Variants in UVSSA observed in about 807,000 individuals in gnomAD.
UVSSA encodes the protein UV-stimulated scaffold protein A.
A neutral mutation model predicts 73.9 loss-of-function variants in UVSSA; 72 were observed. That is an observed-to-expected ratio of 0.97 (90% CI 0.81 to 1.19). UVSSA has a LOEUF of 1.19. Among genes scored for constraint, UVSSA ranks in the 50% most tolerant of loss-of-function variants. The probability of loss-of-function intolerance (pLI) is 0.00; values close to 1 mark genes in which losing one functional copy is unlikely to be tolerated. For missense variants in UVSSA, 1,150 were observed against 965.0 expected (o/e 1.19, Z -2.54); for synonymous variants, 454 against 391.3 (o/e 1.16, Z -1.89).
chr4:1,362,010 C>T (rs914789266), intron 7 of UVSSA, among the ~76,000 whole-genome samples: 1 of 152,184 alleles, frequency 6.6e-6, no homozygotes, highest in African/African-American at 2.4e-5. Context: ...CTGTGTGTGG[C>T]GGACAGACCT....
At chr4:1,388,910 T>G (rs756426009), downstream of UVSSA, 2 of 152,200 alleles carry the variant, frequency 1.3e-5, no homozygotes, top group Non-Finnish European at 2.9e-5. Flanking sequence ...TTTTGTGATG[T>G]CTTTAGCTTT....
intron 11 of UVSSA, 100 bp from the exon 12 acceptor site, chr4:1,380,780 A>G: frequency 1.3e-6 from 2 of 1,584,850 alleles, no homozygotes. Context: ...GATACCACCC[A>G]CCCTGGTCGC....
intron 7 of UVSSA, among the ~76,000 whole-genome samples, chr4:1,363,135 TG>T (rs1716875696): frequency 6.6e-6 from 1 of 152,074 alleles, no homozygotes; most frequent in South Asian, 2.1e-4. Context: ...CCTCAGTAGT[TG>T]CAAGCTGAAG....
At chr4:1,368,711 C>T (rs183024601) in intron 8 of UVSSA, among the ~76,000 whole-genome samples, 63 of 152,384 alleles carry the variant, frequency 4.1e-4, no homozygotes, top group African/African-American at 1.2e-3. Context: ...AAGCCTCACC[C>T]GTAGGCTGTC....
chr4:1,383,400 C>G (rs1577382267), intron 12 of UVSSA, among the ~76,000 whole-genome samples: 1 of 152,142 alleles, frequency 6.6e-6, no homozygotes, highest in Admixed American at 6.5e-5. Flanking sequence ...GTGCCACCCC[C>G]CAACCGCTGG....
chr4:1,355,151 T>G lies in UVSSA; in HGVS notation c.1082T>G (p.Leu361Ter), dbSNP rs201115491. The G allele has an allele frequency of 1.9e-6, 3 of 1,613,872 alleles. No individual in the cohort carries two copies. Among genetic ancestry groups the G allele is most frequent in the Non-Finnish European group, 2.5e-6 (3 of 1,179,918 alleles). ...FTRVGTHGGC[L>*]KRAIDLKAEL... is the part of the protein sequence containing the mutation. ...CGCGTCGGGACCCACGGTGGATGTT[T>G]AAAGCGTGCCATTGACCTGAAGGCT... Residue 361 changes from leucine (L) to a stop codon, truncating the protein, a stop_gained, in exon 7 of 14, where the codon TTA becomes TGA. Transcript: ENST00000389851. LOFTEE classifies it high-confidence loss of function.
chr4:1,345,650 A>AGG (rs1713609843), upstream of UVSSA, among the ~76,000 whole-genome samples: 1 of 66,634 alleles, frequency 1.5e-5, no homozygotes, highest in African/African-American at 3.4e-5. Flanking sequence ...GTCTCAAAAA[A>AGG]AAAAAAAAAA....
At chr4:1,342,297 G>A (rs1438226491), upstream of UVSSA, among the ~76,000 whole-genome samples, 1 of 152,202 alleles carries the variant, frequency 6.6e-6, no homozygotes, top group Non-Finnish European at 1.5e-5. Flanking sequence ...AGGTGGGTGT[G>A]CACTGGGGCC....
At chr4:1,364,828 TAGC>T (rs1170440557) in intron 7 of UVSSA, among the ~76,000 whole-genome samples, 2 of 152,094 alleles carry the variant, frequency 1.3e-5, no homozygotes, top group African/African-American at 4.8e-5. Flanking sequence ...TCAGCTGCCC[TAGC>T]AGCCCTGCCA....
At chr4:1,354,905 G>T in intron 6 of UVSSA, 58 bp downstream of exon 6, 1 of 1,480,262 alleles carries the variant, frequency 6.8e-7, no homozygotes, top group African/African-American at 1.4e-5. Flanking sequence ...GCCATGCATG[G>T]GGGGGGTCCC....
chr4:1,352,924 T>C, intron 4 of UVSSA, 106 bp from the exon 5 acceptor site: 1 of 1,442,100 alleles, frequency 6.9e-7, no homozygotes, highest in Non-Finnish European at 9.3e-7. Context: ...CACCTGGTGC[T>C]GAAAAGTGAC....
At chr4:1,346,296 C>A (rs963316228), upstream of UVSSA, among the ~76,000 whole-genome samples, 3 of 152,220 alleles carry the variant, frequency 2.0e-5, no homozygotes, top group African/African-American at 7.2e-5. Flanking sequence ...CCGCCGCCGG[C>A]GGCCCCCGCC....
chr4:1,393,216 G>A (rs1280417809), exon 14 of UVSSA: 1 of 152,136 alleles, frequency 6.6e-6, no homozygotes, highest in Non-Finnish European at 1.5e-5. Flanking sequence ...ATGTCAAGCT[G>A]CTCTAGTGAA....
intron 1 of UVSSA, 67 bp from the exon 2 acceptor site, chr4:1,348,023 C>G: frequency 7.4e-7 from 1 of 1,357,920 alleles, no homozygotes; most frequent in Non-Finnish European, 1.0e-6. Flanking sequence ...CCAGTAAACA[C>G]GTTAATAACA....
downstream of UVSSA, chr4:1,388,206 A>C (rs1355236917): frequency 1.3e-5 from 2 of 152,218 alleles, no homozygotes; most frequent in Non-Finnish European, 2.9e-5. Context: ...TGCAATTATA[A>C]ATTATTAAAA....
At chr4:1,395,963 G>T in exon 14 of UVSSA, 2 of 1,500,688 alleles carry the variant, frequency 1.3e-6, no homozygotes, top group Non-Finnish European at 8.9e-7. Context: ...AATTTTCATG[G>T]ATGCTGATTA....
upstream of UVSSA, among the ~76,000 whole-genome samples, chr4:1,347,080 A>G (rs1036860622): frequency 6.6e-6 from 1 of 151,842 alleles, no homozygotes; most frequent in Admixed American, 6.5e-5. Context: ...GGCCGCGTCG[A>G]GCGGTAGGTG....
intron 7 of UVSSA, among the ~76,000 whole-genome samples, chr4:1,357,343 T>G (rs1715932824): frequency 6.6e-6 from 1 of 152,278 alleles, no homozygotes; most frequent in African/African-American, 2.4e-5. Flanking sequence ...GCAGCAGTGC[T>G]GGGGCTGGGG....
intron 3 of UVSSA, among the ~76,000 whole-genome samples, chr4:1,351,325 A>G (rs1465546821): frequency 1.3e-5 from 2 of 151,182 alleles, no homozygotes; most frequent in African/African-American, 4.9e-5. Context: ...CGGCCTCCCA[A>G]AGTGCTGGGG....
Sources: allele counts gnomAD v4.1 joint callset (sites outside exome capture counted in the v4.1 genomes callset), GRCh38; gene constraint gnomAD v4.1.1; transcripts MANE v1.5; gene names NCBI Gene and HGNC (gene_info 2026-07-23, HGNC 2026-07-21).